SLC4A4: variants seen among roughly 807,000 people sequenced by gnomAD.
SLC4A4 encodes the protein electrogenic sodium bicarbonate cotransporter 1.
In SLC4A4, 27 loss-of-function variants were observed where a neutral mutation model predicts 111.5. That is an observed-to-expected ratio of 0.24 (90% CI 0.18 to 0.33). The LOEUF (loss-of-function observed/expected upper bound fraction) is 0.33, where lower values mean the gene tolerates loss of function less well. SLC4A4 is among the 10% of genes least tolerant of loss of function. SLC4A4 has a pLI of 1.00. For missense variants in SLC4A4, 909 were observed against 1,315.5 expected (o/e 0.69, Z 4.78); for synonymous variants, 443 against 463.4 (o/e 0.96, Z 0.57).
intron 14 of SLC4A4, among the ~76,000 whole-genome samples, chr4:71,478,704 A>G (rs1287769042): frequency 6.6e-6 from 1 of 151,790 alleles, no homozygotes. Context: ...ATACCTGTGT[A>G]AAAAACCTGC....
intron 3 of SLC4A4, among the ~76,000 whole-genome samples, chr4:71,292,291 A>T (rs1240886642): frequency 2.6e-5 from 4 of 152,196 alleles, no homozygotes; most frequent in Non-Finnish European, 5.9e-5. Flanking sequence ...AGGTAAAGAA[A>T]AGATTAAATT....
At chr4:71,444,227 T>A (rs1177481814) in intron 8 of SLC4A4, among the ~76,000 whole-genome samples, 2 of 152,202 alleles carry the variant, frequency 1.3e-5, no homozygotes, top group African/African-American at 4.8e-5. Flanking sequence ...TATAATTATT[T>A]TGTGAATGTG....
chr4:71,537,399 T>TATGTGTGTATA lies in SLC4A4; in HGVS notation c.2442+3011_2442+3012insATGTGTGTATA, dbSNP rs1734639423. On this transcript the variant is annotated intron_variant, in intron 18 of 25. Transcript: ENST00000264485. ...ATATATACATATGTGTGTGTATATA[T>TATGTGTGTATA]TATACATATATGTGTGTATATATAC... Among the ~76,000 whole-genome samples, 4 of 16,794 alleles carry TATGTGTGTATA rather than the reference T, an allele frequency of 2.4e-4. No homozygotes were observed. In the East Asian group the frequency reaches 3.4e-3, roughly 14 times the overall value. 11.0% of individuals were successfully genotyped at this position (16,794 alleles called of 152,430 possible). A position where few individuals can be genotyped will look rare whatever the true frequency, so the allele number is the denominator to read the frequency against.
At chr4:71,182,894 C>T, upstream of SLC4A4, among the ~76,000 whole-genome samples, 1 of 152,086 alleles carries the variant, frequency 6.6e-6, no homozygotes, top group Non-Finnish European at 1.5e-5. Flanking sequence ...TTTAAGTTTT[C>T]CTTCTCCTTC....
chr4:71,162,808 G>T (rs1744646456), intron 2 of SLC4A4, among the ~76,000 whole-genome samples: 1 of 152,184 alleles, frequency 6.6e-6, no homozygotes, highest in African/African-American at 2.4e-5. Context: ...AGGTTAGAGA[G>T]ACAAGACGCT....
At chr4:71,257,342 A>G (rs1222662092) in intron 3 of SLC4A4, among the ~76,000 whole-genome samples, 1 of 152,144 alleles carries the variant, frequency 6.6e-6, no homozygotes, top group Non-Finnish European at 1.5e-5. Context: ...TATGCATTTT[A>G]CCGTTTTGTT....
chr4:71,115,649 T>G (rs979712364), intron 2 of SLC4A4, among the ~76,000 whole-genome samples: 2 of 152,212 alleles, frequency 1.3e-5, no homozygotes, highest in African/African-American at 4.8e-5. Flanking sequence ...TAAATTTTGT[T>G]ATTTTTACAA....
At chr4:71,180,779 AG>A (rs1745262721) in intron 2 of SLC4A4, among the ~76,000 whole-genome samples, 1 of 152,192 alleles carries the variant, frequency 6.6e-6, no homozygotes, top group African/African-American at 2.4e-5. Flanking sequence ...CCATTGTGGA[AG>A]TCAGTGTGGC....
chr4:71,076,138 A>C (rs1005981945), intron 1 of SLC4A4, among the ~76,000 whole-genome samples: 2 of 152,138 alleles, frequency 1.3e-5, no homozygotes, highest in Non-Finnish European at 2.9e-5. Flanking sequence ...CCTCAGCTAC[A>C]GTGTAAACTC....
chr4:71,227,376 GAT>G (rs1206853434), intron 1 of SLC4A4, among the ~76,000 whole-genome samples: 1 of 152,162 alleles, frequency 6.6e-6, no homozygotes, highest in African/African-American at 2.4e-5. Context: ...TAAAAGGAGA[GAT>G]ACCAAAGTGT....
intron 2 of SLC4A4, among the ~76,000 whole-genome samples, chr4:71,122,252 G>A (rs1360588539): frequency 6.7e-6 from 1 of 149,972 alleles, no homozygotes; most frequent in Non-Finnish European, 1.5e-5. Context: ...GACAGAGGTT[G>A]CAGTGAGCCG....
chr4:71,380,816 C>G (rs1362813603), intron 6 of SLC4A4, among the ~76,000 whole-genome samples: 2 of 152,180 alleles, frequency 1.3e-5, no homozygotes, highest in East Asian at 3.9e-4. Flanking sequence ...TTCTTGTTCT[C>G]TCTACTCTCA....
chr4:71,463,604 T>C (rs1727038359), intron 12 of SLC4A4, among the ~76,000 whole-genome samples: 1 of 152,170 alleles, frequency 6.6e-6, no homozygotes, highest in Non-Finnish European at 1.5e-5. Context: ...AATAAAAATA[T>C]GCCTTTTAAC....
At chr4:71,515,258 A>G (rs548015431) in intron 16 of SLC4A4, among the ~76,000 whole-genome samples, 1 of 151,844 alleles carries the variant, frequency 6.6e-6, no homozygotes, top group Non-Finnish European at 1.5e-5. Flanking sequence ...AGCACGTTTA[A>G]TTTCTATATA....
intron 16 of SLC4A4, among the ~76,000 whole-genome samples, chr4:71,499,119 T>C (rs1340919347): frequency 6.6e-6 from 1 of 152,106 alleles, no homozygotes; most frequent in Non-Finnish European, 1.5e-5. Context: ...AAGTAATTTA[T>C]TGGGCATCTT....
At chr4:71,284,111 A>T (rs1167235345) in intron 3 of SLC4A4, among the ~76,000 whole-genome samples, 1 of 152,226 alleles carries the variant, frequency 6.6e-6, no homozygotes, top group Non-Finnish European at 1.5e-5. Flanking sequence ...TCTATCAGTT[A>T]TATTTCCCAG....
chr4:71,430,301 C>T (rs1246473623), intron 7 of SLC4A4, among the ~76,000 whole-genome samples: 1 of 152,076 alleles, frequency 6.6e-6, no homozygotes, highest in Non-Finnish European at 1.5e-5. Context: ...AGTCTGAGGA[C>T]ATTTAAGTAC....
intron 1 of SLC4A4, among the ~76,000 whole-genome samples, chr4:71,225,851 C>G (rs1032512317): frequency 2.0e-5 from 3 of 152,218 alleles, no homozygotes; most frequent in Admixed American, 2.0e-4. Flanking sequence ...AAGTCACAGA[C>G]TACAATGAAT....
chr4:71,301,035 G>A, intron 3 of SLC4A4: 1 of 430,010 alleles, frequency 2.3e-6, no homozygotes, highest in South Asian at 1.9e-5. Flanking sequence ...CCACTAGAAG[G>A]GAGAAGGTGC....
Sources: gnomAD v4.1 joint callset for allele counts (sites outside exome capture counted in the v4.1 genomes callset) on GRCh38, gnomAD v4.1.1 for gene constraint, MANE v1.5 for transcripts, NCBI Gene and HGNC (gene_info 2026-07-23, HGNC 2026-07-21) for gene names.